Variants in CFTR observed in about 807,000 individuals in gnomAD.
CFTR encodes cystic fibrosis transmembrane conductance regulator.
A neutral mutation model predicts 171.6 loss-of-function variants in CFTR; 181 were observed. The observed-to-expected ratio is 1.05, with a 90% CI of 0.93 to 1.19. The LOEUF is 1.19. Among genes scored for constraint, CFTR ranks in the 50% most tolerant of loss-of-function variants. The pLI is 0.00. For missense variants in CFTR, 1,968 were observed against 1,734.7 expected, an observed-to-expected ratio of 1.13 and a Z score of -2.39; for synonymous variants, 583 against 608.0, an observed-to-expected ratio of 0.96 and a Z score of 0.60.
chr7:117,483,346 A>G (rs1222318091), intron 1 of CFTR, among the ~76,000 whole-genome samples: 2 of 152,098 alleles, frequency 1.3e-5, no homozygotes, highest in Non-Finnish European at 2.9e-5. Flanking sequence ...TTATTGTTTT[A>G]TATTCATAGC....
At chr7:117,508,225 G>T (rs1256722113) in intron 2 of CFTR, among the ~76,000 whole-genome samples, 1 of 152,168 alleles carries the variant, frequency 6.6e-6, no homozygotes, top group African/African-American at 2.4e-5. Context: ...TGTACAGTTT[G>T]AAAATTAAGA....
rs1288379581 is a variant in CFTR, at chr7:117,667,551, G to T, written c.*443G>T. The T allele has an allele frequency of 7.1e-6, 2 of 280,626 alleles. No individual in the cohort carries two copies. The highest frequency in any genetic ancestry group is 2.2e-5 in the African/African-American group (1 of 45,358). 17.4% of individuals were successfully genotyped at this position (280,626 alleles called of 1,614,324 possible). ...AGTAATGATAACTGGAAACTTCAGC[G>T]GTTTATATAAGCTTGTATTCCTTTT... On this transcript the variant is annotated 3_prime_UTR_variant, in exon 27 of 27. Transcript: ENST00000003084.
intron 8 of CFTR, among the ~76,000 whole-genome samples, chr7:117,540,769 G>C (rs1799039407): frequency 6.6e-6 from 1 of 152,116 alleles, no homozygotes; most frequent in Non-Finnish European, 1.5e-5. Context: ...AAATAAAAAT[G>C]AGAGAGAAGG....
chr7:117,631,985 G>A (rs561313852), intron 22 of CFTR, among the ~76,000 whole-genome samples: 13 of 152,120 alleles, frequency 8.5e-5, no homozygotes, highest in Non-Finnish European at 1.3e-4. Flanking sequence ...GCTTGGTGTC[G>A]AAAACCCACA....
At chr7:117,557,132 C>A (rs1299084719) in intron 10 of CFTR, among the ~76,000 whole-genome samples, 2 of 151,994 alleles carry the variant, frequency 1.3e-5, no homozygotes, top group Non-Finnish European at 1.5e-5. Flanking sequence ...GTTTCCATTA[C>A]ATTGTTTTCT....
intron 3 of CFTR, among the ~76,000 whole-genome samples, chr7:117,517,631 C>T (rs1313556869): frequency 6.6e-6 from 1 of 152,192 alleles, no homozygotes; most frequent in Non-Finnish European, 1.5e-5. Flanking sequence ...GGAATCGCCA[C>T]ACTGTCTTCC....
Position 117,552,085 on chromosome 7 carries a change from C to CAT in CFTR, c.1392+3271_1392+3272dup, listed in dbSNP as rs567583389. On this transcript the variant is annotated intron_variant, in intron 10 of 26. Transcript: ENST00000003084. ...TTGAATATATATATATACACACACA[C>CAT]ATATATATATGACACTATACATGAT... Among the ~76,000 whole-genome samples, 9 of 152,032 alleles carry CAT rather than the reference C, an allele frequency of 5.9e-5. No homozygotes were observed. In the South Asian group the frequency reaches 8.4e-4, roughly 14 times the overall value.
intron 19 of CFTR, 21 bp downstream of exon 19, chr7:117,610,690 T>A (rs1792372068): frequency 6.2e-7 from 1 of 1,612,624 alleles, no homozygotes; most frequent in Non-Finnish European, 8.5e-7. Flanking sequence ...GAATGTGCGA[T>A]ACTCATCTTG....
chr7:117,613,845 T>C (rs978264536), intron 20 of CFTR, among the ~76,000 whole-genome samples: 5 of 152,002 alleles, frequency 3.3e-5, no homozygotes, highest in African/African-American at 1.2e-4. Context: ...GACTTGATAG[T>C]CTAACTTTAT....
In CFTR at chr7:117,606,739, T is replaced by G. The variant is rs1043006335; in HGVS notation, c.2974T>G (p.Phe992Val). 2 of 1,570,606 alleles carry G rather than the reference T, an allele frequency of 1.3e-6. No homozygotes were observed. Among genetic ancestry groups the G allele is most frequent in the African/African-American group, 2.7e-5 (2 of 73,990 alleles). Residue 992 changes from phenylalanine to valine, a missense_variant, in exon 18 of 27, where the codon TTT (phenylalanine) becomes GTT (valine). Physicochemically the swap from Phe to Val is conservative, Grantham distance 50. Transcript: ENST00000003084. ...ILDDLLPLTIFDFIQLLLIVI... is the reference protein window; with the variant it reads ...ILDDLLPLTIVDFIQLLLIVI... ...GGATGACCTTCTGCCTCTTACCATA[T>G]TTGACTTCATCCAGGTATGTAAAAA...
chr7:117,574,525 G>A (rs992664067), intron 11 of CFTR, among the ~76,000 whole-genome samples: 1 of 151,972 alleles, frequency 6.6e-6, no homozygotes, highest in Non-Finnish European at 1.5e-5. Context: ...CTCAGATGTG[G>A]GAATCTTTTA....
At position 117,668,451 on chromosome 7, in the gene CFTR, T is replaced by C. The variant is rs571454309; in HGVS notation, c.*1343T>C. 4 of 152,472 alleles carry C rather than the reference T, an allele frequency of 2.6e-5. No homozygotes were observed. The highest frequency in any genetic ancestry group is 4.4e-5 in the Non-Finnish European group (3 of 68,028). The allele number at this position is 152,472 out of a possible 1,614,324, so 9.4% of individuals were successfully genotyped here. A position where few individuals can be genotyped will look rare whatever the true frequency, so the allele number is the denominator to read the frequency against. On this transcript the variant is annotated 3_prime_UTR_variant, in exon 27 of 27. Transcript: ENST00000003084. ...TCACCTTTTGGTCTGGAGGGAAGCC[T>C]TGGGGCTGATGCAGTTGTTGCCCAC...
At chr7:117,593,590 G>A (rs35158649) in intron 14 of CFTR, among the ~76,000 whole-genome samples, 1 of 151,628 alleles carries the variant, frequency 6.6e-6, no homozygotes, top group Non-Finnish European at 1.5e-5. Context: ...GTGTTTTTTT[G>A]TGTGTTTGTT....
intron 22 of CFTR, among the ~76,000 whole-genome samples, chr7:117,635,829 A>T (rs940448613): frequency 6.6e-6 from 1 of 152,106 alleles, no homozygotes; most frequent in African/African-American, 2.4e-5. Flanking sequence ...ATACATTATC[A>T]TATTTATGAT....
At chr7:117,500,356 G>C (rs1182517669) in intron 1 of CFTR, among the ~76,000 whole-genome samples, 4 of 142,482 alleles carry the variant, frequency 2.8e-5, no homozygotes, top group African/African-American at 1.1e-4. Flanking sequence ...GCACAATCTC[G>C]GCTCACTGCA....
In CFTR at chr7:117,556,512, C is replaced by CTTTTTTTTTT. The variant is rs55700428; in HGVS notation, c.1393-2936_1393-2927dup. ...TCTCTATGTTTTATTTGTTTCATTT[C>CTTTTTTTTTT]TTTTTTTTTTTTTTTTTTTTTTTTT... On this transcript the variant is annotated intron_variant, in intron 10 of 26. Coordinates refer to ENST00000003084, the MANE Select transcript of CFTR (RefSeq NM_000492.4). 1.3e-4 allele frequency among the ~76,000 whole-genome samples: 6 copies of CTTTTTTTTTT among 45,904 alleles called. 1 individual carries two copies. The highest frequency in any genetic ancestry group is 5.9e-4 in the African/African-American group (6 of 10,238). The allele number at this position is 45,904 out of a possible 152,430, so 30.1% of individuals were successfully genotyped here.
chr7:117,608,295 C>A (rs1189285089), intron 18 of CFTR, among the ~76,000 whole-genome samples: 1 of 152,052 alleles, frequency 6.6e-6, no homozygotes, highest in East Asian at 1.9e-4. Context: ...ACCTCCACCT[C>A]CTCGGTTCAA....
intron 3 of CFTR, among the ~76,000 whole-genome samples, chr7:117,515,857 G>T (rs1562885803): frequency 6.6e-6 from 1 of 152,010 alleles, no homozygotes; most frequent in Non-Finnish European, 1.5e-5. Flanking sequence ...TCCTTAAAGA[G>T]GTCTTTCACA....
chr7:117,520,954 A>G (rs918313205), intron 3 of CFTR, among the ~76,000 whole-genome samples: 18 of 152,090 alleles, frequency 1.2e-4, no homozygotes, highest in African/African-American at 3.8e-4. Flanking sequence ...TTGGAGGGGA[A>G]TGTAATCTTT....
Sources: allele counts gnomAD v4.1 joint callset (sites outside exome capture counted in the v4.1 genomes callset), GRCh38; gene constraint gnomAD v4.1.1; transcripts MANE v1.5; gene names NCBI Gene and HGNC (gene_info 2026-07-23, HGNC 2026-07-21).